The following FCHO2 variants were observed in gnomAD, a reference collection of about 807,000 sequenced individuals.
FCHO2 encodes FCH and mu domain containing endocytic adaptor 2, also known as F-BAR domain only protein 2.
Under a neutral mutation model 114.1 loss-of-function variants are expected in FCHO2, and 43 were observed. The observed-to-expected ratio is 0.38, with a 90% CI of 0.30 to 0.49. The LOEUF is 0.49. Ranked by LOEUF, FCHO2 falls within the 20% of genes least tolerant of loss-of-function variation. The pLI is 0.97. For missense variants in FCHO2, 807 were observed against 950.4 expected (o/e 0.85, Z 1.98); for synonymous variants, 293 against 315.2 (o/e 0.93, Z 0.75).
chr5:73,087,539 G>C lies in FCHO2; in HGVS notation c.2246-50G>C, dbSNP rs150391328. 5,344 of 1,587,742 alleles carry C rather than the reference G, an allele frequency of 3.4e-3. 15 individuals are homozygous for C. The highest frequency in any genetic ancestry group is 3.9e-3 in the Non-Finnish European group (4,586 of 1,165,214). On this transcript the variant is annotated intron_variant, in intron 24 of 25. Coordinates refer to ENST00000430046, the MANE Select transcript of FCHO2 (RefSeq NM_138782.3). Reference sequence around the variant, plus strand: ...TTACTTGCTCATTTGATTCTATTTTGTTTGAAATGTATTTTACCCTGTGTA... The same window carrying C: ...TTACTTGCTCATTTGATTCTATTTTCTTTGAAATGTATTTTACCCTGTGTA...
At chr5:72,986,748 A>G (rs1753541109) in intron 2 of FCHO2, among the ~76,000 whole-genome samples, 2 of 152,236 alleles carry the variant, frequency 1.3e-5, no homozygotes. Flanking sequence ...TTGCATATAC[A>G]TAGCAAGAAA....
chr5:72,956,380 G>A (rs1408189315), intron 1 of FCHO2, among the ~76,000 whole-genome samples: 2 of 151,416 alleles, frequency 1.3e-5, no homozygotes, highest in African/African-American at 4.8e-5. Flanking sequence ...GCCGGCCACC[G>A]GGGCTGGGAC....
intron 19 of FCHO2, among the ~76,000 whole-genome samples, chr5:73,073,991 T>C (rs1486020688): frequency 6.6e-6 from 1 of 151,910 alleles, no homozygotes; most frequent in Non-Finnish European, 1.5e-5. Context: ...GTAAGAAGAG[T>C]GCGTTTGTGA....
chr5:72,998,089 C>A (rs181748463), intron 5 of FCHO2, among the ~76,000 whole-genome samples: 1 of 151,072 alleles, frequency 6.6e-6, no homozygotes, highest in African/African-American at 2.4e-5. Flanking sequence ...GTATTAGGGA[C>A]ATGTATGGGG....
intron 8 of FCHO2, among the ~76,000 whole-genome samples, chr5:73,023,803 T>G (rs1004607547): frequency 6.6e-6 from 1 of 152,206 alleles, no homozygotes; most frequent in Non-Finnish European, 1.5e-5. Flanking sequence ...AATATAGACT[T>G]GCAGGTGAAT....
At chr5:73,011,996 T>C (rs1204963431) in intron 6 of FCHO2, among the ~76,000 whole-genome samples, 7 of 152,168 alleles carry the variant, frequency 4.6e-5, no homozygotes, top group Non-Finnish European at 8.8e-5. Flanking sequence ...TTTACAGTTA[T>C]TGTTTTTTCT....
chr5:72,994,481 CAG>C (rs1753972968), intron 5 of FCHO2, among the ~76,000 whole-genome samples: 1 of 152,096 alleles, frequency 6.6e-6, no homozygotes, highest in Non-Finnish European at 1.5e-5. Flanking sequence ...AGTCAAATAA[CAG>C]ATGCTGGCAA....
intron 5 of FCHO2, chr5:72,996,880 C>T (rs926836342): frequency 2.6e-5 from 38 of 1,469,430 alleles, no homozygotes; most frequent in African/African-American, 9.8e-5. Flanking sequence ...CCCCCGGGGC[C>T]GGCGGGGCCG....
chr5:73,040,787 CTG>C (rs1194840954), intron 10 of FCHO2, among the ~76,000 whole-genome samples: 2 of 152,096 alleles, frequency 1.3e-5, no homozygotes, highest in Non-Finnish European at 2.9e-5. Flanking sequence ...TCAGATGAAA[CTG>C]AAGTGTTTAA....
intron 8 of FCHO2, 69 bp from the exon 9 acceptor site, chr5:73,034,586 TAA>T: frequency 8.2e-7 from 1 of 1,213,032 alleles, no homozygotes; most frequent in Non-Finnish European, 1.2e-6. Flanking sequence ...ATTTAAAATG[TAA>T]AAAAAAAGTT....
intron 2 of FCHO2, among the ~76,000 whole-genome samples, chr5:72,974,013 T>C (rs1392399922): frequency 6.6e-6 from 1 of 151,616 alleles, no homozygotes; most frequent in Admixed American, 6.6e-5. Context: ...TTGAGCGGTT[T>C]TGAGTGAGAT....
chr5:72,958,320 T>A (rs903179476), intron 1 of FCHO2, among the ~76,000 whole-genome samples: 1 of 152,192 alleles, frequency 6.6e-6, no homozygotes, highest in African/African-American at 2.4e-5. Context: ...TTTTACTTCT[T>A]CTGTTTAGTT....
Position 72,990,753 on chromosome 5 carries a change from C to A in FCHO2, c.384C>A (p.Thr128=), listed in dbSNP as rs1181382777. ...EVAGTLEAVQ[T]IQSITQALQK... The stretch of plus-strand genomic sequence containing the variant: ...CAGGAACTCTGGAAGCTGTCCAAAC[C>A]ATTCAGAGCATAACTCAGGCCCTCC... The change falls in exon 5 of 26, where the codon ACC becomes ACA. Residue 128 remains threonine, a synonymous_variant. Coordinates refer to ENST00000430046, the MANE Select transcript of FCHO2 (RefSeq NM_138782.3). 1 of 1,557,994 alleles carries A rather than the reference C, an allele frequency of 6.4e-7. No individual in the cohort carries two copies. Among genetic ancestry groups the A allele is most frequent in the Admixed American group, 1.9e-5 (1 of 51,650 alleles).
intron 5 of FCHO2, among the ~76,000 whole-genome samples, chr5:72,993,354 A>G (rs1753909255): frequency 6.6e-6 from 1 of 152,200 alleles, no homozygotes; most frequent in Non-Finnish European, 1.5e-5. Context: ...TCCAGAACAT[A>G]GTAGGAGAAG....
At chr5:73,027,557 A>AC (rs1756007129) in intron 8 of FCHO2, among the ~76,000 whole-genome samples, 1 of 152,120 alleles carries the variant, frequency 6.6e-6, no homozygotes, top group African/African-American at 2.4e-5. Flanking sequence ...GTTTAGAAGG[A>AC]CACAGGTGAT....
chr5:72,993,198 T>A (rs1753900051), intron 5 of FCHO2, among the ~76,000 whole-genome samples: 1 of 151,750 alleles, frequency 6.6e-6, no homozygotes, highest in African/African-American at 2.4e-5. Flanking sequence ...TGAAACAAGA[T>A]CTACTAGATA....
intron 9 of FCHO2, among the ~76,000 whole-genome samples, chr5:73,036,162 A>G (rs1370743477): frequency 2.0e-5 from 3 of 152,060 alleles, no homozygotes; most frequent in Non-Finnish European, 4.4e-5. Context: ...GCTGAATTCT[A>G]TCAAAAGTTA....
At chr5:72,972,142 C>T (rs993293644) in intron 2 of FCHO2, among the ~76,000 whole-genome samples, 1 of 152,030 alleles carries the variant, frequency 6.6e-6, no homozygotes, top group African/African-American at 2.4e-5. Context: ...TGTGATGCCT[C>T]CACCTTTGTT....
intron 8 of FCHO2, chr5:73,020,897 G>A (rs1225109851): frequency 1.6e-6 from 2 of 1,218,496 alleles, no homozygotes. Context: ...CCACGGGAGA[G>A]CTTATCATCT....
Sources: gnomAD v4.1 joint callset for allele counts (sites outside exome capture counted in the v4.1 genomes callset) on GRCh38, gnomAD v4.1.1 for gene constraint, MANE v1.5 for transcripts, NCBI Gene and HGNC (gene_info 2026-07-23, HGNC 2026-07-21) for gene names.